PRKCH: variants seen among roughly 807,000 people sequenced by gnomAD.
The protein encoded by PRKCH is protein kinase C eta type.
In PRKCH, 28 loss-of-function variants were observed where a neutral mutation model predicts 82.5. The ratio of observed to expected loss-of-function variants is 0.34; its 90% confidence interval spans 0.25 to 0.47. PRKCH has a LOEUF of 0.47. Among genes scored for constraint, PRKCH ranks in the 20% least tolerant of loss-of-function variants. The pLI is 1.00. For missense variants in PRKCH, 705 were observed against 881.8 expected (o/e 0.80, Z 2.54); for synonymous variants, 322 against 327.4 (o/e 0.98, Z 0.18).
chr14:61,238,782 GT>G (rs1448283325), intron 1 of PRKCH, among the ~76,000 whole-genome samples: 1 of 152,018 alleles, frequency 6.6e-6, no homozygotes. Context: ...TTAATCTAAC[GT>G]TTTCATTAGC....
At chr14:61,220,286 A>G (rs570971819) in intron 1 of PRKCH, among the ~76,000 whole-genome samples, 1 of 152,302 alleles carries the variant, frequency 6.6e-6, no homozygotes, top group East Asian at 1.9e-4. Flanking sequence ...TGTACACCCA[A>G]GAGGGGAACT....
chr14:61,315,479 G>A (rs545369374), intron 1 of PRKCH, among the ~76,000 whole-genome samples: 2 of 152,288 alleles, frequency 1.3e-5, no homozygotes, highest in African/African-American at 4.8e-5. Flanking sequence ...TTTGTCAAGT[G>A]CTTTGTTGGC....
chr14:61,503,445 T>C (rs1344568007), intron 10 of PRKCH, among the ~76,000 whole-genome samples: 1 of 152,178 alleles, frequency 6.6e-6, no homozygotes, highest in Admixed American at 6.5e-5. Flanking sequence ...AGTCTTTGTC[T>C]GTTTCTGCCT....
chr14:61,237,147 G>A (rs967067861), intron 1 of PRKCH, among the ~76,000 whole-genome samples: 1 of 151,484 alleles, frequency 6.6e-6, no homozygotes, highest in Non-Finnish European at 1.5e-5. Context: ...GGAGGCTGAG[G>A]CAGAAGAATC....
intron 1 of PRKCH, among the ~76,000 whole-genome samples, chr14:61,369,741 G>A (rs2046341615): frequency 6.6e-6 from 1 of 151,934 alleles, no homozygotes; most frequent in African/African-American, 2.4e-5. Context: ...CATTAGTTAT[G>A]GGAGTAGATT....
chr14:61,242,639 C>A (rs555822325), intron 1 of PRKCH, among the ~76,000 whole-genome samples: 3 of 152,048 alleles, frequency 2.0e-5, no homozygotes, highest in Admixed American at 2.0e-4. Context: ...CTCAGGTGAT[C>A]CCCCCTCCTC....
At chr14:61,333,584 T>C (rs1036930120) in intron 1 of PRKCH, among the ~76,000 whole-genome samples, 3 of 152,154 alleles carry the variant, frequency 2.0e-5, no homozygotes, top group African/African-American at 7.2e-5. Context: ...ACTTATGGCT[T>C]CTGGTGAAAT....
At chr14:61,457,107 T>G (rs765951188) in intron 7 of PRKCH, 69 bp from the exon 8 acceptor site, 3 of 1,552,902 alleles carry the variant, frequency 1.9e-6, no homozygotes, top group Non-Finnish European at 2.6e-6. Flanking sequence ...GCCAATAAGG[T>G]CTTCTTCGTG....
chr14:61,270,620 T>C (rs1419590431), intron 1 of PRKCH, among the ~76,000 whole-genome samples: 1 of 152,190 alleles, frequency 6.6e-6, no homozygotes, highest in Middle Eastern at 3.2e-3. Context: ...AATGAATTAT[T>C]CTAACCTTGT....
intron 2 of PRKCH, among the ~76,000 whole-genome samples, chr14:61,430,365 A>G (rs973431700): frequency 1.3e-5 from 2 of 152,238 alleles, no homozygotes; most frequent in African/African-American, 2.4e-5. Flanking sequence ...TGGGAGTTCA[A>G]AATGGTACAA....
rs1022058180 is a variant in PRKCH, at chr14:61,352,613, G to A, written c.363+30149G>A. On this transcript the variant is annotated intron_variant, in intron 1 of 13. Coordinates refer to ENST00000332981, the MANE Select transcript of PRKCH (RefSeq NM_006255.5). ...TGGGAGGTGGAGGTTGTAGTGAGCT[G>A]AGATTGACAGAGCGAGACTCCATCT... Among the ~76,000 whole-genome samples, 4 of 150,730 alleles carry A rather than the reference G, an allele frequency of 2.7e-5. No homozygotes were observed. The Admixed American group carries it at 2.7e-4, about 10-fold the overall frequency.
chr14:61,309,442 C>T (rs537567744), intron 1 of PRKCH, among the ~76,000 whole-genome samples: 1 of 152,150 alleles, frequency 6.6e-6, no homozygotes, highest in Non-Finnish European at 1.5e-5. Context: ...AAGTGAGCAG[C>T]AGGATGAGGC....
chr14:61,488,116 C>T (rs910717052), intron 10 of PRKCH, among the ~76,000 whole-genome samples: 15 of 151,442 alleles, frequency 9.9e-5, no homozygotes, highest in South Asian at 4.2e-4. Flanking sequence ...ATCGCGCCAC[C>T]GCACTCCAGC....
rs537833578 is a variant in PRKCH, at chr14:61,406,814, T to C, written c.427+15526T>C. Among the ~76,000 whole-genome samples the C allele has an allele frequency of 2.0e-5, 3 of 152,218 alleles. No individual in the cohort carries two copies. In the South Asian group the frequency reaches 6.2e-4, roughly 32 times the overall value. ...CAGCATTGTGCCGAGCAGAGTTATTTTTGCAAAAAGGTTTGAAGATTTCAT... is the reference window on the plus strand; with the variant it reads ...CAGCATTGTGCCGAGCAGAGTTATTCTTGCAAAAAGGTTTGAAGATTTCAT... On this transcript the variant is annotated intron_variant, in intron 2 of 13. Coordinates refer to ENST00000332981, the MANE Select transcript of PRKCH (RefSeq NM_006255.5).
chr14:61,452,438 C>T (rs1315732254), intron 6 of PRKCH, among the ~76,000 whole-genome samples: 1 of 152,108 alleles, frequency 6.6e-6, no homozygotes, highest in East Asian at 1.9e-4. Flanking sequence ...TTCAGTTTCA[C>T]CTCCCATCAG....
At chr14:61,536,406 CT>C (rs1240714723) in intron 12 of PRKCH, among the ~76,000 whole-genome samples, 3 of 152,066 alleles carry the variant, frequency 2.0e-5, no homozygotes, top group African/African-American at 7.2e-5. Flanking sequence ...CTGGGAGATC[CT>C]TTCCCGGCCT....
intron 10 of PRKCH, among the ~76,000 whole-genome samples, chr14:61,511,670 A>G (rs1887382063): frequency 6.6e-6 from 1 of 152,240 alleles, no homozygotes; most frequent in East Asian, 1.9e-4. Context: ...GTGGAAGAGA[A>G]GGCTTGTGCC....
chr14:61,419,746 C>T (rs1882736708), intron 2 of PRKCH, among the ~76,000 whole-genome samples: 1 of 152,130 alleles, frequency 6.6e-6, no homozygotes. Context: ...TTGTTATAAA[C>T]AAAGCAAAAG....
At chr14:61,529,868 C>T (rs911219458) in intron 11 of PRKCH, among the ~76,000 whole-genome samples, 6 of 148,128 alleles carry the variant, frequency 4.1e-5, no homozygotes, top group Non-Finnish European at 8.9e-5. Context: ...AACTAACCTG[C>T]ACAATGTGCG....
Sources: allele counts gnomAD v4.1 joint callset (sites outside exome capture counted in the v4.1 genomes callset), GRCh38; gene constraint gnomAD v4.1.1; transcripts MANE v1.5; gene names NCBI Gene and HGNC (gene_info 2026-07-23, HGNC 2026-07-21).